The following METTL22 variants were observed in gnomAD, a reference collection of about 807,000 sequenced individuals.
The protein encoded by METTL22 is methyltransferase-like protein 22.
A neutral mutation model predicts 48.4 loss-of-function variants in METTL22; 51 were observed. That is an observed-to-expected ratio of 1.05 (90% CI 0.84 to 1.33). The LOEUF (loss-of-function observed/expected upper bound fraction) is 1.33. Ranked by LOEUF, METTL22 falls within the 40% of genes most tolerant of loss-of-function variation. METTL22 has a pLI of 0.00. For synonymous variants in METTL22, 255 were observed against 214.1 expected (o/e 1.19, Z -1.67); for missense variants, 678 against 526.9 (o/e 1.29, Z -2.81).
chr16:8,642,800 G>C (rs1641058), intron 9 of METTL22: 1 of 584,266 alleles, frequency 1.7e-6, no homozygotes, highest in Non-Finnish European at 3.1e-6. Context: ...GGAAGGCTGG[G>C]AAGCATCAGG....
At chr16:8,662,730 G>C in the METTL22 span, among the ~76,000 whole-genome samples, 1 of 143,932 alleles carries the variant, frequency 6.9e-6, no homozygotes, top group African/African-American at 2.6e-5. Flanking sequence ...AGGCAATAAA[G>C]CTTGATGGTT....
At chr16:8,660,368 G>A in the METTL22 span, among the ~76,000 whole-genome samples, 1 of 151,570 alleles carries the variant, frequency 6.6e-6, no homozygotes, top group African/African-American at 2.4e-5. Context: ...AGTAGAGATG[G>A]GGGTTTCACC....
In METTL22 at chr16:8,628,764, A is replaced by T; in HGVS notation, c.168A>T (p.Gln56His). ...CCCAATTCAAGCTTCTATGGAGCCA[A>T]GACTCTTGGACAGATTCAGGAGCCA... ...FLSQFKLLWSQDSWTDSGAKG... is the reference protein window; with the variant it reads ...FLSQFKLLWSHDSWTDSGAKG... Residue 56 changes from glutamine (Q) to histidine (H), a missense_variant, in exon 3 of 11, where the codon CAA becomes CAT. Gln to His is a conservative substitution (Grantham distance 24). Coordinates refer to ENST00000381920, the MANE Select transcript of METTL22 (RefSeq NM_024109.4). 4 of 1,613,886 alleles carry T rather than the reference A, an allele frequency of 2.5e-6. No individual in the cohort carries two copies. The highest frequency in any genetic ancestry group is 3.4e-6 in the Non-Finnish European group (4 of 1,179,786).
downstream of METTL22, among the ~76,000 whole-genome samples, chr16:8,653,412 C>T (rs2056926054): frequency 6.6e-6 from 1 of 152,168 alleles, no homozygotes; most frequent in African/African-American, 2.4e-5. Context: ...TCTGTCCCCA[C>T]ATGGGCACAC....
At chr16:8,637,588 C>T (rs898526579) in intron 5 of METTL22, among the ~76,000 whole-genome samples, 4 of 152,216 alleles carry the variant, frequency 2.6e-5, no homozygotes, top group Admixed American at 2.6e-4. Context: ...GAGGCTGGCC[C>T]AAGGTCATCC....
chr16:8,663,328 G>A, the METTL22 span, among the ~76,000 whole-genome samples: 14 of 151,902 alleles, frequency 9.2e-5, no homozygotes, highest in African/African-American at 2.4e-4. Flanking sequence ...CCAAGTAGGC[G>A]TCCTGCTCAA....
the METTL22 span, among the ~76,000 whole-genome samples, chr16:8,665,685 A>T: frequency 6.6e-6 from 1 of 152,192 alleles, no homozygotes; most frequent in Non-Finnish European, 1.5e-5. Flanking sequence ...CATTAAACAC[A>T]TCCTGAGCCC....
At chr16:8,626,314 C>G (rs892645064) in intron 2 of METTL22, among the ~76,000 whole-genome samples, 1 of 152,158 alleles carries the variant, frequency 6.6e-6, no homozygotes, top group Non-Finnish European at 1.5e-5. Context: ...CTGTGGTTTC[C>G]TGAGCACCTA....
At chr16:8,621,800 G>T (rs557075448) in intron 1 of METTL22, 25 bp downstream of exon 1, 1 of 152,348 alleles carries the variant, frequency 6.6e-6, no homozygotes, top group Non-Finnish European at 1.5e-5. Flanking sequence ...GAGGCGGCGG[G>T]ATAGGGTAGG....
chr16:8,626,520 C>T, intron 2 of METTL22, among the ~76,000 whole-genome samples: 1 of 149,654 alleles, frequency 6.7e-6, no homozygotes, highest in East Asian at 2.0e-4. Flanking sequence ...GCGACCTCGG[C>T]TCACTGCAAC....
At chr16:8,658,014 AC>A in the METTL22 span, among the ~76,000 whole-genome samples, 60 of 152,108 alleles carry the variant, frequency 3.9e-4, 1 homozygote, top group African/African-American at 1.4e-3. Context: ...ACGGGGTTTC[AC>A]CATGTTGCCC....
At chr16:8,650,768 T>C (rs1344314128), downstream of METTL22, among the ~76,000 whole-genome samples, 3 of 152,236 alleles carry the variant, frequency 2.0e-5, no homozygotes, top group African/African-American at 7.2e-5. Context: ...CTCATGCGTG[T>C]AATCCCGGCA....
intron 4 of METTL22, 22 bp from the exon 5 acceptor site, chr16:8,635,146 C>T (rs752618782): frequency 6.2e-6 from 10 of 1,613,548 alleles, no homozygotes; most frequent in African/African-American, 1.3e-5. Context: ...CTGCTTGTCG[C>T]TCCTTGTCCT....
In METTL22 at chr16:8,644,733, C is replaced by T. The variant is rs781210005; in HGVS notation, c.1179+8C>T. ...GAGCGCCTCCAGCAACTGGTAGGTC[C>T]AGGCCCCGAAGCAGGGCCGTTGGTT... On this transcript the variant is annotated splice_region_variant and intron_variant, in intron 10 of 10. Transcript: ENST00000381920. The T allele has an allele frequency of 6.4e-7, 1 of 1,560,918 alleles. No individual in the cohort carries two copies.
the METTL22 span, among the ~76,000 whole-genome samples, chr16:8,659,102 G>A: frequency 6.6e-6 from 1 of 152,050 alleles, no homozygotes; most frequent in Non-Finnish European, 1.5e-5. Flanking sequence ...AGGCCAAGGT[G>A]GGCAGATAAC....
chr16:8,644,380 T>A (rs941052705), intron 9 of METTL22, 177 bp from the exon 10 acceptor site: 11 of 585,084 alleles, frequency 1.9e-5, no homozygotes, highest in Admixed American at 3.0e-5. Flanking sequence ...CCTCCTGGGC[T>A]GTCGTGCAGA....
intron 6 of METTL22, chr16:8,639,526 A>C: frequency 1.9e-5 from 5 of 259,402 alleles, no homozygotes; most frequent in South Asian, 5.4e-5. Flanking sequence ...TGCTGCTGAA[A>C]ACCTCCCAGG....
chr16:8,630,582 A>G (rs2056224651), intron 3 of METTL22, among the ~76,000 whole-genome samples: 1 of 152,092 alleles, frequency 6.6e-6, no homozygotes, highest in South Asian at 2.1e-4. Context: ...CACTGTTATT[A>G]GCCTCCCCAA....
downstream of METTL22, among the ~76,000 whole-genome samples, chr16:8,654,333 T>C (rs911041150): frequency 1.3e-5 from 2 of 152,212 alleles, no homozygotes; most frequent in Non-Finnish European, 2.9e-5. Flanking sequence ...ACATAACTTA[T>C]AAATGGCAGC....
Sources: gnomAD v4.1 joint callset for allele counts (sites outside exome capture counted in the v4.1 genomes callset) on GRCh38, gnomAD v4.1.1 for gene constraint, MANE v1.5 for transcripts, NCBI Gene and HGNC (gene_info 2026-07-23, HGNC 2026-07-21) for gene names.